The following CDH4 variants were observed in gnomAD, a reference collection of about 807,000 sequenced individuals.
The protein encoded by CDH4 is cadherin 4, also known as cadherin-4.
Under a neutral mutation model 86.0 loss-of-function variants are expected in CDH4, and 33 were observed. The ratio of observed to expected loss-of-function variants is 0.38; its 90% CI spans 0.29 to 0.51. The LOEUF is 0.51. Among genes scored for constraint, CDH4 ranks in the 20% least tolerant of loss-of-function variants. The pLI is 0.86. For missense variants in CDH4, 1,114 were observed against 1,307.4 expected (o/e 0.85, Z 2.28); for synonymous variants, 555 against 549.4 (o/e 1.01, Z -0.14).
intron 2 of CDH4, among the ~76,000 whole-genome samples, chr20:61,529,704 G>A (rs1387008881): frequency 6.6e-6 from 1 of 152,286 alleles, no homozygotes; most frequent in Non-Finnish European, 1.5e-5. Context: ...TTGAGGGAAC[G>A]TCACATGCCT....
At chr20:61,872,216 C>G (rs1014943481) in intron 6 of CDH4, among the ~76,000 whole-genome samples, 3 of 152,176 alleles carry the variant, frequency 2.0e-5, no homozygotes, top group Admixed American at 6.5e-5. Context: ...CAGCATGGAC[C>G]CAGCCCCGCC....
chr20:61,633,536 A>G (rs907625787), intron 2 of CDH4, among the ~76,000 whole-genome samples: 4 of 152,022 alleles, frequency 2.6e-5, no homozygotes, highest in South Asian at 2.1e-4. Flanking sequence ...CTATCCATCA[A>G]TGTATCCACC....
At chr20:61,550,194 C>T (rs1386833902) in intron 2 of CDH4, among the ~76,000 whole-genome samples, 1 of 137,188 alleles carries the variant, frequency 7.3e-6, no homozygotes. Context: ...GCCTGCTTCC[C>T]TGGCCTCCCT....
chr20:61,273,442 T>C (rs1206540713), intron 2 of CDH4, among the ~76,000 whole-genome samples: 5 of 68,140 alleles, frequency 7.3e-5, no homozygotes, highest in African/African-American at 3.0e-4. Flanking sequence ...GGGAGGACCA[T>C]GTGCAGTTTG....
chr20:61,450,832 G>A (rs563232064), intron 2 of CDH4, among the ~76,000 whole-genome samples: 45 of 150,962 alleles, frequency 3.0e-4, no homozygotes, highest in African/African-American at 1.0e-3. Context: ...AAGAGTGGAG[G>A]TGGCTAGAGC....
intron 7 of CDH4, among the ~76,000 whole-genome samples, chr20:61,890,074 GTGGA>G (rs143568927): frequency 0.073 from 10,770 of 147,894 alleles, 683 homozygotes; most frequent in African/African-American, 0.18. Context: ...GGATGCATGG[GTGGA>G]TGGATGGATG....
intron 2 of CDH4, among the ~76,000 whole-genome samples, chr20:61,611,126 A>C (rs1600805642): frequency 1.3e-5 from 2 of 152,114 alleles, no homozygotes; most frequent in South Asian, 2.1e-4. Context: ...CAGAGGGTGC[A>C]CGTCTCCCAG....
At chr20:61,396,605 A>G (rs879512194) in intron 2 of CDH4, among the ~76,000 whole-genome samples, 11 of 152,214 alleles carry the variant, frequency 7.2e-5, no homozygotes, top group Non-Finnish European at 1.0e-4. Context: ...TCCTGAGACC[A>G]GCAGACCTGG....
chr20:61,258,986 C>G (rs1331743395), intron 2 of CDH4, among the ~76,000 whole-genome samples: 2 of 152,194 alleles, frequency 1.3e-5, no homozygotes, highest in African/African-American at 4.8e-5. Flanking sequence ...ATTGCATTGT[C>G]ATGTGTGTCT....
At chr20:61,512,043 G>T (rs942333698) in intron 2 of CDH4, among the ~76,000 whole-genome samples, 2 of 152,124 alleles carry the variant, frequency 1.3e-5, no homozygotes, top group African/African-American at 4.8e-5. Context: ...ATTTATTCTT[G>T]TTTCCTCGCC....
intron 2 of CDH4, among the ~76,000 whole-genome samples, chr20:61,473,934 G>A (rs1486167371): frequency 2.6e-5 from 4 of 152,158 alleles, no homozygotes; most frequent in African/African-American, 9.6e-5. Flanking sequence ...TATAAATCTT[G>A]TTTCCTTCCC....
intron 4 of CDH4, among the ~76,000 whole-genome samples, chr20:61,783,030 A>G (rs1317594468): frequency 6.6e-6 from 1 of 152,232 alleles, no homozygotes. Context: ...GGTTGCAGTG[A>G]GCCAAGATCA....
intron 2 of CDH4, among the ~76,000 whole-genome samples, chr20:61,629,924 C>A (rs1003372489): frequency 1.3e-5 from 2 of 152,310 alleles, no homozygotes; most frequent in Non-Finnish European, 2.9e-5. Flanking sequence ...CCCTGTGACT[C>A]AGCGCAAGGA....
intron 4 of CDH4, among the ~76,000 whole-genome samples, chr20:61,817,908 C>T (rs930341419): frequency 1.3e-5 from 2 of 152,270 alleles, no homozygotes; most frequent in Admixed American, 6.5e-5. Flanking sequence ...ACACGCTGAG[C>T]TCACAGTTGG....
chr20:61,806,575 G>GCACACA (rs11474177), intron 4 of CDH4, among the ~76,000 whole-genome samples: 7 of 151,672 alleles, frequency 4.6e-5, no homozygotes, highest in African/African-American at 1.7e-4. Context: ...CCACGCGCAC[G>GCACACA]CACACACACA....
At chr20:61,494,817 C>T (rs887099968) in intron 2 of CDH4, among the ~76,000 whole-genome samples, 1 of 152,206 alleles carries the variant, frequency 6.6e-6, no homozygotes, top group African/African-American at 2.4e-5. Flanking sequence ...TCATTTTCTC[C>T]TGGAAGGTGG....
intron 2 of CDH4, among the ~76,000 whole-genome samples, chr20:61,511,219 C>CT (rs1376744280): frequency 6.6e-6 from 1 of 152,214 alleles, no homozygotes; most frequent in Non-Finnish European, 1.5e-5. Context: ...CAGGCCTTGC[C>CT]TTTTGGAATG....
chr20:61,792,242 G>A (rs116603349), intron 4 of CDH4, among the ~76,000 whole-genome samples: 8,172 of 152,098 alleles, frequency 0.054, 695 homozygotes, highest in African/African-American at 0.18. Context: ...ATCGAGGCTG[G>A]CTCCTGGGTT....
chr20:61,833,950 G>A (rs1169747068), intron 4 of CDH4, among the ~76,000 whole-genome samples: 2 of 152,218 alleles, frequency 1.3e-5, no homozygotes, highest in Non-Finnish European at 2.9e-5. Context: ...GTGCAGGAGT[G>A]GGAGACATCC....
Sources: gnomAD v4.1 joint callset for allele counts (sites outside exome capture counted in the v4.1 genomes callset) on GRCh38, gnomAD v4.1.1 for gene constraint, MANE v1.5 for transcripts, NCBI Gene and HGNC (gene_info 2026-07-23, HGNC 2026-07-21) for gene names.